The following ENTPD1 variants were observed in gnomAD, a reference collection of about 807,000 sequenced individuals.
ENTPD1 encodes the protein ATP diphosphohydrolase.
In ENTPD1, 33 loss-of-function variants were observed where a neutral mutation model predicts 57.0. That is an observed-to-expected ratio of 0.58 (90% CI 0.44 to 0.77). The LOEUF is 0.77. Among genes scored for constraint, ENTPD1 ranks in the 30% least tolerant of loss-of-function variants. The pLI is 0.00. For missense variants in ENTPD1, 501 were observed against 603.4 expected (o/e 0.83, Z 1.78); for synonymous variants, 202 against 218.8 (o/e 0.92, Z 0.68).
At position 95,843,569 on chromosome 10, in the gene ENTPD1, C is replaced by T. The variant is rs2098426850; in HGVS notation, c.414-907C>T. 3.3e-5 allele frequency among the ~76,000 whole-genome samples: 5 copies of T among 152,264 alleles called. No individual in the cohort carries two copies. The South Asian group carries it at 1.0e-3, about 32-fold the overall frequency. On this transcript the variant is annotated intron_variant, in intron 4 of 9. Transcript: ENST00000371205. ...TCACACACCTGGGAAGTGGTGGAGC[C>T]AGGATTCTGAGTGGGATTCTGAAAA...
chr10:95,755,969 C>G, upstream of ENTPD1: 1 of 1,463,134 alleles, frequency 6.8e-7, no homozygotes, highest in Non-Finnish European at 9.0e-7. Flanking sequence ...TTCAAGGATG[C>G]AAAAAATTAC....
At chr10:95,712,396 G>T (rs1035969771) in intron 1 of ENTPD1, among the ~76,000 whole-genome samples, 1 of 152,090 alleles carries the variant, frequency 6.6e-6, no homozygotes, top group Non-Finnish European at 1.5e-5. Context: ...TTCTCCTATT[G>T]TCTTATTTCA....
intron 2 of ENTPD1, among the ~76,000 whole-genome samples, chr10:95,825,419 C>G (rs2098371193): frequency 6.6e-6 from 1 of 152,202 alleles, no homozygotes; most frequent in Non-Finnish European, 1.5e-5. Flanking sequence ...CCAGGATCAT[C>G]CCAAATATCA....
chr10:95,835,059 C>A (rs560297435), intron 2 of ENTPD1, among the ~76,000 whole-genome samples: 11 of 152,276 alleles, frequency 7.2e-5, no homozygotes, highest in South Asian at 6.2e-4. Context: ...GAACATAGAA[C>A]CTGACAGGTA....
intron 1 of ENTPD1, among the ~76,000 whole-genome samples, chr10:95,803,658 T>C (rs1449298340): frequency 6.6e-6 from 1 of 152,248 alleles, no homozygotes; most frequent in Non-Finnish European, 1.5e-5. Context: ...GTAGGTTGCC[T>C]GTTCACTCTG....
chr10:95,796,744 G>A (rs957778322), intron 1 of ENTPD1, among the ~76,000 whole-genome samples: 2 of 152,132 alleles, frequency 1.3e-5, no homozygotes, highest in Admixed American at 1.3e-4. Context: ...GAGGTGGGGA[G>A]GACTCTACAG....
intron 1 of ENTPD1, among the ~76,000 whole-genome samples, chr10:95,772,337 A>C (rs1330781461): frequency 6.6e-6 from 1 of 152,254 alleles, no homozygotes; most frequent in Non-Finnish European, 1.5e-5. Flanking sequence ...TTTTACTAAC[A>C]GTAGAACTTC....
chr10:95,715,801 T>C (rs2097970868), intron 1 of ENTPD1, among the ~76,000 whole-genome samples: 1 of 152,198 alleles, frequency 6.6e-6, no homozygotes, highest in Non-Finnish European at 1.5e-5. Flanking sequence ...AAATCCTGTA[T>C]CTATAAGCAG....
chr10:95,773,838 G>A (rs983181766), intron 1 of ENTPD1, among the ~76,000 whole-genome samples: 2 of 152,090 alleles, frequency 1.3e-5, no homozygotes, highest in African/African-American at 4.8e-5. Flanking sequence ...TAATCCTTTG[G>A]GTAGATACCC....
chr10:95,816,847 A>T (rs1463577937), intron 1 of ENTPD1, among the ~76,000 whole-genome samples: 3 of 152,242 alleles, frequency 2.0e-5, no homozygotes, highest in African/African-American at 7.2e-5. Flanking sequence ...TGATAGTATT[A>T]CGTGCACCTT....
intron 1 of ENTPD1, among the ~76,000 whole-genome samples, chr10:95,801,602 T>C (rs1219675298): frequency 6.6e-6 from 1 of 152,160 alleles, no homozygotes; most frequent in African/African-American, 2.4e-5. Context: ...GATTTGCTTT[T>C]GTTGCCCAGG....
upstream of ENTPD1, among the ~76,000 whole-genome samples, chr10:95,707,284 C>G (rs897154313): frequency 6.6e-6 from 1 of 152,290 alleles, no homozygotes; most frequent in African/African-American, 2.4e-5. Context: ...GCAGCCCTGC[C>G]CAGGAGGGTG....
At chr10:95,830,498 T>TA (rs978565570) in intron 2 of ENTPD1, among the ~76,000 whole-genome samples, 9 of 152,064 alleles carry the variant, frequency 5.9e-5, no homozygotes, top group Non-Finnish European at 8.8e-5. Flanking sequence ...TACAGTTAAA[T>TA]AAAAATGGTT....
chr10:95,705,017 A>G, the ENTPD1 span, among the ~76,000 whole-genome samples: 1 of 152,164 alleles, frequency 6.6e-6, no homozygotes. Context: ...ATAAATGAGT[A>G]ATAAACATAA....
At chr10:95,707,415 C>T (rs1368489067), upstream of ENTPD1, among the ~76,000 whole-genome samples, 1 of 152,200 alleles carries the variant, frequency 6.6e-6, no homozygotes, top group East Asian at 1.9e-4. Flanking sequence ...CCACTGGCTC[C>T]ATGGAGTGCC....
At chr10:95,701,275 C>G in the ENTPD1 span, among the ~76,000 whole-genome samples, 1 of 152,042 alleles carries the variant, frequency 6.6e-6, no homozygotes, top group East Asian at 1.9e-4. Flanking sequence ...AGCCGGGCAA[C>G]ATAGTGAGAC....
At chr10:95,843,511 G>A (rs1349373330) in intron 4 of ENTPD1, among the ~76,000 whole-genome samples, 2 of 152,244 alleles carry the variant, frequency 1.3e-5, no homozygotes, top group African/African-American at 4.8e-5. Flanking sequence ...TAAGGAAGCT[G>A]TGGCTTACAA....
intron 7 of ENTPD1, among the ~76,000 whole-genome samples, chr10:95,859,465 C>T (rs1369983407): frequency 6.6e-6 from 1 of 152,162 alleles, no homozygotes; most frequent in Non-Finnish European, 1.5e-5. Context: ...AAACTTTATG[C>T]CCCCCTCAAA....
chr10:95,801,199 T>G (rs1296703122), intron 1 of ENTPD1, among the ~76,000 whole-genome samples: 1 of 152,218 alleles, frequency 6.6e-6, no homozygotes, highest in African/African-American at 2.4e-5. Context: ...GCTTTTTAGT[T>G]CCATTAGATA....
Sources: allele counts gnomAD v4.1 joint callset (sites outside exome capture counted in the v4.1 genomes callset), GRCh38; gene constraint gnomAD v4.1.1; transcripts MANE v1.5; gene names NCBI Gene and HGNC (gene_info 2026-07-23, HGNC 2026-07-21).